The following RGS5 variants were observed in gnomAD, a reference collection of about 807,000 sequenced individuals.
The protein encoded by RGS5 is regulator of G protein signaling 5, also known as regulator of G-protein signalling 5.
In RGS5, 20 loss-of-function variants were observed where a neutral mutation model predicts 18.9. The ratio of observed to expected loss-of-function variants is 1.06; its 90% confidence interval spans 0.74 to 1.54. The LOEUF is 1.54. Among genes scored for constraint, RGS5 ranks in the 40% most tolerant of loss-of-function variants. The pLI is 0.00. For synonymous variants in RGS5, 57 were observed against 76.2 expected (o/e 0.75, Z 1.31); for missense variants, 201 against 211.8 (o/e 0.95, Z 0.32).
chr1:163,160,357 C>A (rs989108018), intron 3 of RGS5, among the ~76,000 whole-genome samples: 1 of 152,134 alleles, frequency 6.6e-6, no homozygotes, highest in Non-Finnish European at 1.5e-5. Flanking sequence ...ACCACTAAGG[C>A]AAGACAATAA....
chr1:163,204,141 T>C (rs1371997323), upstream of RGS5, among the ~76,000 whole-genome samples: 1 of 152,202 alleles, frequency 6.6e-6, no homozygotes, highest in Non-Finnish European at 1.5e-5. Context: ...ATGTTTTTAA[T>C]GTAATAAATA....
chr1:163,234,831 T>C (rs909318962), intron 2 of RGS5, among the ~76,000 whole-genome samples: 1 of 152,220 alleles, frequency 6.6e-6, no homozygotes, highest in South Asian at 2.1e-4. Context: ...AACCCCAAGA[T>C]GGTTCCACTC....
chr1:163,273,904 A>G (rs1169042961), intron 2 of RGS5, among the ~76,000 whole-genome samples: 2 of 152,122 alleles, frequency 1.3e-5, no homozygotes, highest in African/African-American at 4.8e-5. Context: ...TATGGTTGAT[A>G]ATGTCTTTGG....
At chr1:163,310,325 G>A (rs1277708645) in intron 1 of RGS5, among the ~76,000 whole-genome samples, 5 of 152,114 alleles carry the variant, frequency 3.3e-5, no homozygotes, top group Non-Finnish European at 7.4e-5. Context: ...GGTGGCTCAC[G>A]CCTGTAATCC....
intron 3 of RGS5, among the ~76,000 whole-genome samples, chr1:163,159,650 CTAGAA>C (rs970382224): frequency 6.6e-6 from 1 of 152,096 alleles, no homozygotes; most frequent in African/African-American, 2.4e-5. Flanking sequence ...AAAGCATTGA[CTAGAA>C]TAGTTATAAA....
intron 2 of RGS5, among the ~76,000 whole-genome samples, chr1:163,300,160 G>T (rs1649516823): frequency 6.6e-6 from 1 of 152,216 alleles, no homozygotes; most frequent in Admixed American, 6.5e-5. Context: ...CACTCCTGAA[G>T]TGTGAATGAT....
intron 2 of RGS5, among the ~76,000 whole-genome samples, chr1:163,284,727 C>T (rs915428475): frequency 6.6e-6 from 1 of 152,074 alleles, no homozygotes; most frequent in African/African-American, 2.4e-5. Flanking sequence ...GATCTGTCTT[C>T]CCTCTTTCCT....
chr1:163,202,499 A>G (rs903427179), intron 1 of RGS5, among the ~76,000 whole-genome samples: 5 of 152,186 alleles, frequency 3.3e-5, no homozygotes, highest in African/African-American at 1.2e-4. Context: ...CCTTAACCAT[A>G]CAGTTTTTAC....
intron 1 of RGS5, among the ~76,000 whole-genome samples, chr1:163,208,211 G>A (rs186002749): frequency 1.2e-3 from 179 of 151,386 alleles, no homozygotes; most frequent in Non-Finnish European, 1.9e-3. Context: ...AGCCGGGCGT[G>A]GTGGCGGGCG....
intron 2 of RGS5, among the ~76,000 whole-genome samples, chr1:163,222,884 C>T (rs191787061): frequency 1.2e-4 from 19 of 152,048 alleles, no homozygotes; most frequent in East Asian, 3.9e-4. Context: ...TTTTTTAAGA[C>T]GGCCTCACTC....
At chr1:163,309,924 G>T (rs752609946) in intron 1 of RGS5, among the ~76,000 whole-genome samples, 1 of 152,178 alleles carries the variant, frequency 6.6e-6, no homozygotes, top group Non-Finnish European at 1.5e-5. Context: ...TGTATTAGCA[G>T]GCAAGAAGCA....
chr1:163,145,365 T>TAACA lies in RGS5; in HGVS notation c.*1973_*1976dup, dbSNP rs1181247978. On this transcript the variant is annotated 3_prime_UTR_variant, in exon 5 of 5. Transcript: ENST00000313961. ...ATAATGCACCAAGATTTTGGATTTC[T>TAACA]AACATTTCTGGCTGTATGAGAGAGT... 1 of 152,218 alleles carries TAACA rather than the reference T, an allele frequency of 6.6e-6. No individual in the cohort carries two copies. The allele number at this position is 152,218 out of a possible 1,614,324, so 9.4% of individuals were successfully genotyped here.
Position 163,200,316 on chromosome 1 carries a change from C to A in RGS5, c.44+2476G>T, listed in dbSNP as rs192675009. On this transcript the variant is annotated intron_variant, in intron 1 of 4. Transcript: ENST00000313961. ...TGGAAGTCAGAACTGAACTCTTCAG[C>A]AGAGCTTTTCATTTAAAGCAGATTT... Among the ~76,000 whole-genome samples, 7 of 152,264 alleles carry A rather than the reference C, an allele frequency of 4.6e-5. No homozygotes were observed. The East Asian group carries it at 1.2e-3, about 25-fold the overall frequency.
At chr1:163,201,392 C>T (rs1675365103) in intron 1 of RGS5, among the ~76,000 whole-genome samples, 1 of 152,044 alleles carries the variant, frequency 6.6e-6, no homozygotes, top group Non-Finnish European at 1.5e-5. Flanking sequence ...CTATCCTCTT[C>T]CCCAGGGTTG....
At chr1:163,318,476 C>G (rs1328411739) in intron 1 of RGS5, among the ~76,000 whole-genome samples, 1 of 151,994 alleles carries the variant, frequency 6.6e-6, no homozygotes, top group Non-Finnish European at 1.5e-5. Context: ...CAAATGAAAG[C>G]AAAGGACAAA....
intron 2 of RGS5, among the ~76,000 whole-genome samples, chr1:163,223,322 G>A (rs1394306904): frequency 6.6e-6 from 1 of 152,134 alleles, no homozygotes; most frequent in Non-Finnish European, 1.5e-5. Context: ...AATGAAATCA[G>A]AGAGCCCCTC....
At chr1:163,289,864 C>T (rs1649235662) in intron 2 of RGS5, among the ~76,000 whole-genome samples, 1 of 152,020 alleles carries the variant, frequency 6.6e-6, no homozygotes, top group Non-Finnish European at 1.5e-5. Context: ...TCTTTTCTAA[C>T]AAAAAGCAGC....
intron 2 of RGS5, among the ~76,000 whole-genome samples, chr1:163,277,120 C>T (rs1268562061): frequency 1.3e-5 from 2 of 152,224 alleles, no homozygotes; most frequent in African/African-American, 4.8e-5. Context: ...TACCTTAACA[C>T]AGACATTCCT....
At chr1:163,184,136 A>G (rs970941259) in intron 1 of RGS5, among the ~76,000 whole-genome samples, 3 of 152,182 alleles carry the variant, frequency 2.0e-5, no homozygotes, top group African/African-American at 7.2e-5. Context: ...GGCTTAATGG[A>G]GCAACAAAGT....
Sources: gnomAD v4.1 joint callset for allele counts (sites outside exome capture counted in the v4.1 genomes callset) on GRCh38, gnomAD v4.1.1 for gene constraint, MANE v1.5 for transcripts, NCBI Gene and HGNC (gene_info 2026-07-23, HGNC 2026-07-21) for gene names.